The following SLC52A3 variants were observed in gnomAD, a reference collection of about 807,000 sequenced individuals.
The protein encoded by SLC52A3 is solute carrier family 52, riboflavin transporter, member 3.
SLC52A3 carries 20 observed loss-of-function variants against 29.5 expected under a neutral mutation model. The observed-to-expected ratio is 0.68, with a 90% CI of 0.48 to 0.99. The LOEUF (loss-of-function observed/expected upper bound fraction) is 0.99, where lower values mean the gene tolerates loss of function less well. Ranked by LOEUF, SLC52A3 falls within the 50% of genes least tolerant of loss-of-function variation. The pLI, the probability that SLC52A3 is intolerant of heterozygous loss-of-function variation, is 0.00. For missense variants in SLC52A3, 548 were observed against 612.9 expected, an observed-to-expected ratio of 0.89 and a Z score of 1.12; for synonymous variants, 301 against 271.0, an observed-to-expected ratio of 1.11 and a Z score of -1.09.
upstream of SLC52A3, among the ~76,000 whole-genome samples, chr20:776,489 A>C (rs922381222): frequency 3.3e-5 from 5 of 152,126 alleles, no homozygotes; most frequent in Admixed American, 6.5e-5. Context: ...GAGAGATGCT[A>C]TTACTATCCC....
chr20:765,638 A>G lies in SLC52A3; in HGVS notation c.137T>C (p.Val46Ala). The change falls in exon 2 of 5, where the codon GTG becomes GCG. Residue 46 changes from valine (V) to alanine (A), a missense_variant. By Grantham distance (64) the Val-to-Ala change is moderately conservative. Coordinates refer to ENST00000645534, the MANE Select transcript of SLC52A3 (RefSeq NM_033409.4). The surrounding 1 kb of genome is among the most constrained non-coding windows in gnomAD (Gnocchi z 6.6). Reference protein sequence around the residue: ...EGWYLPSYLTVVIQLANIGPL... With the variant: ...EGWYLPSYLTAVIQLANIGPL... Reference sequence around the variant, plus strand: ...CCCGATGTTGGCCAGCTGGATGACCACCGTGAGGTAGGAGGGCAGGTACCA... The same window carrying G: ...CCCGATGTTGGCCAGCTGGATGACCGCCGTGAGGTAGGAGGGCAGGTACCA... The G allele has an allele frequency of 6.2e-7, 1 of 1,609,682 alleles. No homozygotes were observed. The highest frequency in any genetic ancestry group is 2.2e-5 in the East Asian group (1 of 44,694).
Position 765,093 on chromosome 20 carries a change from AGTTTAACTCATAGGCC to A in SLC52A3, c.567+99_567+114del. 1 of 1,165,424 alleles carries A rather than the reference AGTTTAACTCATAGGCC, an allele frequency of 8.6e-7. No individual in the cohort carries two copies. The highest frequency in any genetic ancestry group is 1.3e-6 in the Non-Finnish European group (1 of 793,050). 72.2% of individuals were successfully genotyped at this position (1,165,424 alleles called of 1,614,324 possible). On this transcript the variant is annotated intron_variant, in intron 2 of 4. Coordinates refer to ENST00000645534, the MANE Select transcript of SLC52A3 (RefSeq NM_033409.4). The surrounding 1 kb of genome is among the most constrained non-coding windows in gnomAD (Gnocchi z 6.6). ...TCCTGCTGTTGATCTGCCTTATGTC[AGTTTAACTCATAGGCC>A]GACCAAAGAACCTAGAAGGATGGAG...
chr20:779,467 C>CA (rs1987153929), upstream of SLC52A3, among the ~76,000 whole-genome samples: 1 of 152,044 alleles, frequency 6.6e-6, no homozygotes, highest in Non-Finnish European at 1.5e-5. Flanking sequence ...ACTAAAAATA[C>CA]AAAAAATTGG....
intron 2 of SLC52A3, among the ~76,000 whole-genome samples, chr20:764,367 C>A (rs2051756822): frequency 6.6e-6 from 1 of 151,672 alleles, no homozygotes; most frequent in African/African-American, 2.4e-5. Context: ...TTTATCACCC[C>A]ACAGCAGTGG....
intron 1 of SLC52A3, among the ~76,000 whole-genome samples, chr20:775,565 C>A (rs1277644595): frequency 1.3e-5 from 2 of 152,172 alleles, no homozygotes; most frequent in African/African-American, 2.4e-5. Flanking sequence ...CAGGCGTGAG[C>A]CATGACACCC....
At chr20:772,652 A>G (rs1167055601), upstream of SLC52A3, among the ~76,000 whole-genome samples, 20 of 146,452 alleles carry the variant, frequency 1.4e-4, no homozygotes, top group East Asian at 4.0e-3. Context: ...GTTCTTATTT[A>G]TTCATTTTAA....
Position 761,001 on chromosome 20 carries a change from G to T in SLC52A3, c.*25C>A. 6.3e-7 allele frequency: 1 copy of T among 1,579,064 alleles called. No individual in the cohort carries two copies. The highest frequency in any genetic ancestry group is 8.6e-7 in the Non-Finnish European group (1 of 1,164,874). ...CTGGACCCCAGTTCCGTCCGTGAGC[G>T]ATGGGGGCGGGGTCGGCGGCCTGCC... On this transcript the variant is annotated 3_prime_UTR_variant, in exon 5 of 5. Transcript: ENST00000645534.
intron 1 of SLC52A3, among the ~76,000 whole-genome samples, chr20:775,268 CTTTTTTTTTTTT>C (rs57095806): frequency 6.4e-4 from 85 of 133,514 alleles, no homozygotes; most frequent in African/African-American, 9.3e-4. Context: ...GGGGCCCAGT[CTTTTTTTTTTTT>C]TTTTTTTTTT....
chr20:779,754 C>T (rs1987160614), upstream of SLC52A3, among the ~76,000 whole-genome samples: 1 of 152,222 alleles, frequency 6.6e-6, no homozygotes, highest in Non-Finnish European at 1.5e-5. Context: ...TGGAATAAGT[C>T]AGACCTTATC....
chr20:769,688 T>C (rs1986790705), upstream of SLC52A3, among the ~76,000 whole-genome samples: 1 of 152,104 alleles, frequency 6.6e-6, no homozygotes, highest in Non-Finnish European at 1.5e-5. Flanking sequence ...CTTGAGGTCA[T>C]GAGTCCGAGA....
chr20:761,444 A>G (rs542457873), intron 4 of SLC52A3: 1 of 747,208 alleles, frequency 1.3e-6, no homozygotes, highest in Non-Finnish European at 2.1e-6. Flanking sequence ...TTCTGGGTTC[A>G]CGTGCCCATG....
upstream of SLC52A3, among the ~76,000 whole-genome samples, chr20:778,478 G>A (rs1193849664): frequency 6.6e-6 from 1 of 152,042 alleles, no homozygotes; most frequent in African/African-American, 2.4e-5. Flanking sequence ...ATATTTTGTG[G>A]GATTTCCACG....
At position 765,640 on chromosome 20, in the gene SLC52A3, C is replaced by T. The variant is rs373887707; in HGVS notation, c.135G>A (p.Thr45=). Residue 45 remains threonine (T), a synonymous_variant, in exon 2 of 5, where the codon ACG becomes ACA. Transcript: ENST00000645534. This position sits in a 1 kb window ranked among gnomAD's most constrained non-coding sequence, Gnocchi z 6.6. ...PEGWYLPSYL[T]VVIQLANIGP... ...CGATGTTGGCCAGCTGGATGACCACCGTGAGGTAGGAGGGCAGGTACCAGC... is the reference window on the plus strand; with the variant it reads ...CGATGTTGGCCAGCTGGATGACCACTGTGAGGTAGGAGGGCAGGTACCAGC... The T allele has an allele frequency of 5.8e-5, 94 of 1,609,986 alleles. No individual in the cohort carries two copies. Among genetic ancestry groups the T allele is most frequent in the African/African-American group, 2.7e-4 (20 of 74,974 alleles).
Position 761,059 on chromosome 20 carries a change from G to A in SLC52A3, c.1377C>T (p.Ser459=). 2 of 1,609,700 alleles carry A rather than the reference G, an allele frequency of 1.2e-6. No individual in the cohort carries two copies. Among genetic ancestry groups the A allele is most frequent in the Non-Finnish European group, 1.7e-6 (2 of 1,178,636 alleles). The change falls in exon 5 of 5, where the codon TCC becomes TCT. Residue 459 remains serine, a synonymous_variant. Transcript: ENST00000645534. Reference sequence around the variant, plus strand: ...GACAGTGCAGATTGCAGAAGTCCGCGGACGAGAAGAGCCGCAGCACGTTGA... The same window carrying A: ...GACAGTGCAGATTGCAGAAGTCCGCAGACGAGAAGAGCCGCAGCACGTTGA... The part of the protein sequence containing the change: ...PLVNVLRLFS[S]ADFCNLHCPA
chr20:765,142 GT>G lies in SLC52A3; in HGVS notation c.567+65del. 2 of 1,581,108 alleles carry G rather than the reference GT, an allele frequency of 1.3e-6. No homozygotes were observed. ...GAACCTAGAAGGATGGAGGTGAGCA[GT>G]TTTTCCCTCCCCTACATTTGTGATA... On this transcript the variant is annotated intron_variant, in intron 2 of 4. Coordinates refer to ENST00000645534, the MANE Select transcript of SLC52A3 (RefSeq NM_033409.4). This position sits in a 1 kb window ranked among gnomAD's most constrained non-coding sequence, Gnocchi z 6.6.
chr20:761,316 C>T, intron 4 of SLC52A3, 78 bp from the exon 5 acceptor site: 4 of 1,405,682 alleles, frequency 2.8e-6, no homozygotes, highest in Non-Finnish European at 2.9e-6. Flanking sequence ...TCTCACAGGG[C>T]TCAGGGGAAC....
intron 1 of SLC52A3, among the ~76,000 whole-genome samples, chr20:774,258 C>A (rs1478165126): frequency 6.6e-6 from 1 of 152,206 alleles, no homozygotes; most frequent in Non-Finnish European, 1.5e-5. Flanking sequence ...GCCAGGGTGA[C>A]CCCTGGGGCA....
upstream of SLC52A3, among the ~76,000 whole-genome samples, chr20:776,172 T>C (rs903799674): frequency 1.3e-5 from 2 of 152,316 alleles, no homozygotes. Context: ...GCTTGCTTTA[T>C]TGAGGCTCTC....
chr20:778,959 A>T (rs1039326032), upstream of SLC52A3, among the ~76,000 whole-genome samples: 47 of 152,186 alleles, frequency 3.1e-4, no homozygotes, highest in Admixed American at 6.5e-5. Context: ...AACTCAATCC[A>T]AACAGAATAA....
Sources: gnomAD v4.1 joint callset for allele counts (sites outside exome capture counted in the v4.1 genomes callset) on GRCh38, gnomAD v4.1.1 for gene constraint, Gnocchi (gnomAD v3.1) non-coding constraint, MANE v1.5 for transcripts, NCBI Gene and HGNC (gene_info 2026-07-23, HGNC 2026-07-21) for gene names.